ADGRL2: variants seen among roughly 807,000 people sequenced by gnomAD.
ADGRL2 encodes the protein adhesion G protein-coupled receptor L2.
In ADGRL2, 44 loss-of-function variants were observed where a neutral mutation model predicts 157.4. The observed-to-expected ratio is 0.28, with a 90% CI of 0.22 to 0.36. The LOEUF (loss-of-function observed/expected upper bound fraction) is 0.36. Among genes scored for constraint, ADGRL2 ranks in the 10% least tolerant of loss-of-function variants. The pLI is 1.00. For missense variants in ADGRL2, 1,510 were observed against 1,768.9 expected (o/e 0.85, Z 2.63); for synonymous variants, 585 against 624.7 (o/e 0.94, Z 0.95).
chr1:81,447,462 C>T (rs756648974), intron 2 of ADGRL2, among the ~76,000 whole-genome samples: 51 of 151,970 alleles, frequency 3.4e-4, no homozygotes, highest in Non-Finnish European at 8.8e-5. Context: ...GTGTAAGAAG[C>T]AAAAATGGGT....
intron 3 of ADGRL2, among the ~76,000 whole-genome samples, chr1:81,583,775 G>T (rs2080966863): frequency 6.6e-6 from 1 of 152,088 alleles, no homozygotes; most frequent in South Asian, 2.1e-4. Context: ...TTACCCTATT[G>T]TAAAGTAAGA....
chr1:81,804,888 G>A (rs2088872883), intron 1 of ADGRL2, among the ~76,000 whole-genome samples: 1 of 152,108 alleles, frequency 6.6e-6, no homozygotes, highest in African/African-American at 2.4e-5. Flanking sequence ...GTACACGTAG[G>A]TAACTGTTTT....
chr1:81,972,855 T>C (rs1659136330), intron 17 of ADGRL2, among the ~76,000 whole-genome samples: 1 of 149,964 alleles, frequency 6.7e-6, no homozygotes, highest in South Asian at 2.1e-4. Context: ...AAGGCTGCGG[T>C]GAGCTATGAT....
At chr1:81,675,318 T>C (rs1325375108) in intron 3 of ADGRL2, among the ~76,000 whole-genome samples, 1 of 152,190 alleles carries the variant, frequency 6.6e-6, no homozygotes, top group African/African-American at 2.4e-5. Flanking sequence ...TCAGTAATAC[T>C]GAAAAATTGA....
chr1:81,677,799 A>T (rs1374421450), intron 3 of ADGRL2, among the ~76,000 whole-genome samples: 1 of 152,216 alleles, frequency 6.6e-6, no homozygotes, highest in Non-Finnish European at 1.5e-5. Flanking sequence ...CAATCACATT[A>T]TCCTTCTGTT....
intron 2 of ADGRL2, among the ~76,000 whole-genome samples, chr1:81,869,499 T>A (rs572105522): frequency 6.6e-6 from 1 of 152,094 alleles, no homozygotes; most frequent in Admixed American, 6.6e-5. Flanking sequence ...TAGTATTAGA[T>A]CACCATGTAT....
At chr1:81,833,508 A>G (rs1422505916) in intron 1 of ADGRL2, among the ~76,000 whole-genome samples, 2 of 152,188 alleles carry the variant, frequency 1.3e-5, no homozygotes, top group Non-Finnish European at 2.9e-5. Context: ...GCCCTTATTA[A>G]TTTGAAATGT....
chr1:81,434,675 T>A (rs1463885108), intron 1 of ADGRL2, among the ~76,000 whole-genome samples: 2 of 152,196 alleles, frequency 1.3e-5, no homozygotes. Context: ...TATTTAAATA[T>A]ATTAAAAATT....
chr1:81,746,649 A>T (rs2085255632), intron 1 of ADGRL2, among the ~76,000 whole-genome samples: 1 of 152,156 alleles, frequency 6.6e-6, no homozygotes. Context: ...CTGAGAATGA[A>T]TTAGAAAAAT....
At chr1:81,330,223 T>A (rs932239008) in intron 1 of ADGRL2, among the ~76,000 whole-genome samples, 2 of 152,056 alleles carry the variant, frequency 1.3e-5, no homozygotes, top group Admixed American at 6.6e-5. Flanking sequence ...TGATGTTTTA[T>A]AGAAAAATGG....
chr1:81,479,656 A>G (rs180940357), intron 2 of ADGRL2, among the ~76,000 whole-genome samples: 1 of 152,312 alleles, frequency 6.6e-6, no homozygotes, highest in East Asian at 1.9e-4. Flanking sequence ...GGATGACTAC[A>G]GTACTAAAAA....
At chr1:81,448,137 C>CTTTTTTTTTTTT (rs1168945231) in intron 2 of ADGRL2, among the ~76,000 whole-genome samples, 18 of 83,524 alleles carry the variant, frequency 2.2e-4, no homozygotes, top group Non-Finnish European at 3.0e-4. Flanking sequence ...TTCTTTCTTT[C>CTTTTTTTTTTTT]TTTTTTTTTT....
chr1:81,618,775 C>A (rs944474035), intron 3 of ADGRL2, among the ~76,000 whole-genome samples: 8 of 152,130 alleles, frequency 5.3e-5, no homozygotes, highest in Non-Finnish European at 1.0e-4. Context: ...ATCTTATTAA[C>A]TGAATAAAAA....
chr1:81,952,141 A>C lies in ADGRL2; in HGVS notation c.1793A>C (p.Lys598Thr), dbSNP rs143207053. The change falls in exon 9 of 24, where the codon AAG (lysine) becomes ACG (threonine). Residue 598 changes from lysine to threonine, a missense_variant and splice_region_variant. Transcript: ENST00000686636. ...EKDSAGRSYN[K>T]LQKREKTCRA... is the part of the protein sequence containing the mutation. The stretch of plus-strand genomic sequence containing the variant: ...GATTCAGCTGGACGGAGTTATAACA[A>C]GGTAGAGAGAACTCTTCTGTTATTT... 9.3e-6 allele frequency: 15 copies of C among 1,605,062 alleles called. No individual in the cohort carries two copies.
chr1:81,832,612 T>A (rs2092024156), intron 1 of ADGRL2, among the ~76,000 whole-genome samples: 1 of 152,260 alleles, frequency 6.6e-6, no homozygotes, highest in Non-Finnish European at 1.5e-5. Context: ...AATAGTTTAA[T>A]TAATGTCCTC....
intron 3 of ADGRL2, among the ~76,000 whole-genome samples, chr1:81,665,747 G>T (rs1038099221): frequency 1.3e-5 from 2 of 152,014 alleles, no homozygotes; most frequent in African/African-American, 4.8e-5. Context: ...AGATGTTCAA[G>T]GTACCTTCCA....
Position 81,907,050 on chromosome 1 carries a change from T to C in ADGRL2, c.107T>C (p.Val36Ala), listed in dbSNP as rs774392019. The change falls in exon 3 of 24, where the codon GTG (valine) becomes GCG (alanine). Residue 36 changes from valine (V) to alanine (A), a missense_variant. Around this residue, in one of 4 missense-constraint regions of ADGRL2, gnomAD observed 361 missense variants for 498.4 expected, o/e 0.72. Transcript: ENST00000686636. ...AGAGCAGCTTTACCATTTGGGCTGG[T>C]GAGGCGAGAATTATCCTGTGAAGGT... Reference protein sequence around the residue: ...FSRAALPFGLVRRELSCEGYS... With the variant: ...FSRAALPFGLARRELSCEGYS... 1.2e-6 allele frequency: 2 copies of C among 1,614,080 alleles called. No homozygotes were observed. The highest frequency in any genetic ancestry group is 1.7e-4 in the Middle Eastern group (1 of 6,060).
chr1:81,835,385 A>G (rs1446221893), intron 1 of ADGRL2, among the ~76,000 whole-genome samples: 1 of 152,186 alleles, frequency 6.6e-6, no homozygotes. Context: ...GTGACAAGCC[A>G]TGAGATTATC....
intron 3 of ADGRL2, among the ~76,000 whole-genome samples, chr1:81,634,894 G>A (rs1404172683): frequency 6.6e-6 from 1 of 152,154 alleles, no homozygotes; most frequent in African/African-American, 2.4e-5. Context: ...GCCTGCAGTT[G>A]AAGAGTTTTC....
Sources: gnomAD v4.1 joint callset for allele counts (sites outside exome capture counted in the v4.1 genomes callset) on GRCh38, gnomAD v4.1.1 for gene constraint, gnomAD v4.1.1 regional missense constraint, MANE v1.5 for transcripts, NCBI Gene and HGNC (gene_info 2026-07-23, HGNC 2026-07-21) for gene names.